DNAI3: variants seen among roughly 807,000 people sequenced by gnomAD.
DNAI3 encodes the protein WD repeat domain 63.
A neutral mutation model predicts 115.5 loss-of-function variants in DNAI3; 83 were observed. That is an observed-to-expected ratio of 0.72 (90% confidence interval 0.60 to 0.86). The LOEUF is 0.86. DNAI3 is among the 40% of genes least tolerant of loss of function. The pLI is 0.00. For synonymous variants in DNAI3, 320 were observed against 347.0 expected (o/e 0.92, Z 0.86); for missense variants, 1,004 against 1,075.8 (o/e 0.93, Z 0.93).
chr1:85,105,429 A>G (rs1398371229), intron 14 of DNAI3, among the ~76,000 whole-genome samples: 2 of 150,902 alleles, frequency 1.3e-5, no homozygotes, highest in Non-Finnish European at 2.9e-5. Context: ...CTATTTTTAT[A>G]TTTGCAACAA....
chr1:85,108,958 C>T (rs185240138), intron 15 of DNAI3, among the ~76,000 whole-genome samples: 5 of 152,312 alleles, frequency 3.3e-5, no homozygotes, highest in Admixed American at 6.5e-5. Flanking sequence ...TCCAGAAAAG[C>T]TAATTTTCCT....
rs780494594 is a variant in DNAI3 at position 85,094,495 on chromosome 1, AT to A, written c.1115del (p.Leu372TyrfsTer7). On this transcript the variant is annotated frameshift_variant, in exon 10 of 23. Coordinates refer to ENST00000294664, the MANE Select transcript of DNAI3 (RefSeq NM_145172.5). LOFTEE classifies it high-confidence loss of function. ...AAGACAGAGTTCACTTTTCTGGTAA[AT>A]TATTGCTGCAGCCATCACTGATTCT... ...FEDRVHFSGK[L>X]LLQPSLILFW... 2 of 1,614,194 alleles carry A rather than the reference AT, an allele frequency of 1.2e-6. No homozygotes were observed. The highest frequency in any genetic ancestry group is 2.2e-5 in the South Asian group (2 of 91,080).
chr1:85,122,391 G>A (rs558802550), intron 18 of DNAI3, among the ~76,000 whole-genome samples: 2 of 152,262 alleles, frequency 1.3e-5, no homozygotes, highest in Admixed American at 6.5e-5. Flanking sequence ...ACATCCAGGC[G>A]GGAGAAGGAA....
chr1:85,094,587 A>C, intron 10 of DNAI3, 32 bp downstream of exon 10: 1 of 1,607,380 alleles, frequency 6.2e-7, no homozygotes, highest in Non-Finnish European at 8.5e-7. Flanking sequence ...CATAGCCTAA[A>C]TTTTCAAATA....
At chr1:85,125,063 G>C (rs1173972405) in intron 19 of DNAI3, among the ~76,000 whole-genome samples, 6 of 152,080 alleles carry the variant, frequency 3.9e-5, no homozygotes, top group Non-Finnish European at 8.8e-5. Context: ...GATTAGGAGA[G>C]GGGCTGGATC....
At chr1:85,122,821 G>A (rs1012210670) in intron 18 of DNAI3, among the ~76,000 whole-genome samples, 4 of 152,206 alleles carry the variant, frequency 2.6e-5, no homozygotes, top group African/African-American at 9.6e-5. Flanking sequence ...ACAGCCATAT[G>A]TTTTTGTGGT....
chr1:85,087,241 T>A (rs1380055512), intron 7 of DNAI3, among the ~76,000 whole-genome samples: 1 of 151,700 alleles, frequency 6.6e-6, no homozygotes, highest in Non-Finnish European at 1.5e-5. Context: ...ATCGAGACCA[T>A]CCTGGCCAAC....
At chr1:85,086,336 G>T (rs945846014) in intron 7 of DNAI3, among the ~76,000 whole-genome samples, 3 of 152,280 alleles carry the variant, frequency 2.0e-5, no homozygotes, top group Middle Eastern at 3.4e-3. Context: ...GCCCCTCATT[G>T]CTCTGTTCTA....
At position 85,108,074 on chromosome 1, in the gene DNAI3, C is replaced by T. The variant is rs1332330892; in HGVS notation, c.1595C>T (p.Thr532Ile). The T allele has an allele frequency of 1.2e-6, 2 of 1,607,912 alleles. No homozygotes were observed. The highest frequency in any genetic ancestry group is 8.5e-7 in the Non-Finnish European group (1 of 1,177,590). ...GATATTAGACCACAGAAACCTTTAA[C>T]CCCCCAAACAACAGAGAAAAAGAAG... ...FWDIRPQKPL[T>I]PQTTEKKKEE... is the part of the protein sequence containing the mutation. The change falls in exon 15 of 23, where the codon ACC becomes ATC. Residue 532 changes from threonine to isoleucine, a missense_variant. Physicochemically the swap from Thr to Ile is moderately conservative, Grantham distance 89. Coordinates refer to ENST00000294664, the MANE Select transcript of DNAI3 (RefSeq NM_145172.5).
At chr1:85,117,934 A>AG in intron 17 of DNAI3, 75 bp downstream of exon 17, 1 of 1,517,388 alleles carries the variant, frequency 6.6e-7, no homozygotes, top group Non-Finnish European at 8.9e-7. Flanking sequence ...TCTACTGTAC[A>AG]TTTTTGCTGT....
At chr1:85,063,146 A>G (rs1399506446) in intron 1 of DNAI3, among the ~76,000 whole-genome samples, 1 of 152,212 alleles carries the variant, frequency 6.6e-6, no homozygotes, top group Admixed American at 6.5e-5. Context: ...CTGCCTTTGC[A>G]GAGGCCTGAC....
At chr1:85,108,260 C>T (rs1227435786) in intron 15 of DNAI3, 83 bp downstream of exon 15, 3 of 1,364,166 alleles carry the variant, frequency 2.2e-6, no homozygotes, top group African/African-American at 2.9e-5. Flanking sequence ...TATACACACA[C>T]TCTCTAAAAG....
intron 5 of DNAI3, among the ~76,000 whole-genome samples, chr1:85,083,501 AT>A (rs1370831685): frequency 1.3e-5 from 2 of 152,098 alleles, no homozygotes; most frequent in Admixed American, 1.3e-4. Flanking sequence ...AGAAAAAAAA[AT>A]AAAATAAAAG....
chr1:85,128,908 A>G (rs1656231972), intron 21 of DNAI3, 109 bp downstream of exon 21: 1 of 909,426 alleles, frequency 1.1e-6, no homozygotes, highest in Non-Finnish European at 1.7e-6. Flanking sequence ...AAGGGAACAA[A>G]AGACTCATAC....
intron 5 of DNAI3, among the ~76,000 whole-genome samples, chr1:85,083,354 G>A (rs1045215579): frequency 6.6e-6 from 1 of 152,090 alleles, no homozygotes; most frequent in African/African-American, 2.4e-5. Flanking sequence ...AGGCATGGTA[G>A]CACGTGCCTG....
intron 22 of DNAI3, 193 bp downstream of exon 22, chr1:85,130,305 A>G: frequency 1.3e-6 from 1 of 741,094 alleles, no homozygotes; most frequent in Non-Finnish European, 2.1e-6. Flanking sequence ...GATTCTGTCC[A>G]ATTTAAGTTT....
Position 85,098,764 on chromosome 1 carries a change from A to G in DNAI3, c.1479+106A>G, listed in dbSNP as rs576886722. The G allele has an allele frequency of 3.2e-4, 482 of 1,506,792 alleles. 7 individuals carry two copies. In the South Asian group the frequency reaches 5.4e-3, roughly 17 times the overall value. The allele number at this position is 1,506,792 out of a possible 1,614,324, so 93.3% of individuals were successfully genotyped here. ...ACAATTCATTTACACTTAAATTGTGAAATAACCAGGAACTAAGCATCAAAA... is the reference window on the plus strand; with the variant it reads ...ACAATTCATTTACACTTAAATTGTGGAATAACCAGGAACTAAGCATCAAAA... On this transcript the variant is annotated intron_variant, in intron 13 of 22. Transcript: ENST00000294664.
At chr1:85,107,955 T>C (rs1655537647) in intron 14 of DNAI3, 78 bp from the exon 15 acceptor site, 4 of 1,035,174 alleles carry the variant, frequency 3.9e-6, no homozygotes, top group South Asian at 4.5e-5. Flanking sequence ...AATGCTAATA[T>C]GTAGCAGCAT....
chr1:85,110,226 C>T (rs1655613562), intron 16 of DNAI3, 91 bp downstream of exon 16: 33 of 1,121,498 alleles, frequency 2.9e-5, no homozygotes, highest in South Asian at 2.4e-4. Context: ...CTGAGGCGGG[C>T]GGATCACGAG....
Sources: allele counts gnomAD v4.1 joint callset (sites outside exome capture counted in the v4.1 genomes callset), GRCh38; gene constraint gnomAD v4.1.1; transcripts MANE v1.5; gene names NCBI Gene and HGNC (gene_info 2026-07-23, HGNC 2026-07-21).